Variants in COL27A1 observed in about 807,000 individuals in gnomAD.
COL27A1 encodes the protein collagen alpha-1(XXVII) chain.
COL27A1 carries 106 observed loss-of-function variants against 251.3 expected under a neutral mutation model. That is an observed-to-expected ratio of 0.42 (90% confidence interval 0.36 to 0.50). The LOEUF (loss-of-function observed/expected upper bound fraction) is 0.50. COL27A1 is among the 20% of genes least tolerant of loss of function. The pLI is 0.00. For synonymous variants in COL27A1, 1,000 were observed against 986.3 expected, an observed-to-expected ratio of 1.01 and a Z score of -0.26; for missense variants, 2,325 against 2,522.8, an observed-to-expected ratio of 0.92 and a Z score of 1.68.
Position 114,167,770 on chromosome 9 carries a change from C to A in COL27A1, c.215C>A (p.Ser72Ter). ...PAPPGVIPFQ[S>*]GFIFTQRARL... ...CCCCCGGGAGTCATTCCTTTCCAGT[C>A]GGGCTTCATCTTTACGCAGCGGGCC... Residue 72 changes from serine (S) to a stop codon, truncating the protein, a stop_gained, in exon 3 of 61, where the codon TCG (serine) becomes TAG (stop). Transcript: ENST00000356083. LOFTEE classifies it high-confidence loss of function. 1 of 1,613,788 alleles carries A rather than the reference C, an allele frequency of 6.2e-7. No homozygotes were observed. Among genetic ancestry groups the A allele is most frequent in the Non-Finnish European group, 8.5e-7 (1 of 1,180,018 alleles).
At chr9:114,183,276 G>C (rs528603563) in intron 5 of COL27A1, among the ~76,000 whole-genome samples, 1 of 152,240 alleles carries the variant, frequency 6.6e-6, no homozygotes, top group Non-Finnish European at 1.5e-5. Flanking sequence ...GTCTGGGAGA[G>C]ACTTGGGAGA....
rs1295129894 is a variant in COL27A1, at chr9:114,282,525, T to C, written c.3840T>C (p.Thr1280=). The C allele has an allele frequency of 6.4e-7, 1 of 1,562,036 alleles. No homozygotes were observed. The highest frequency in any genetic ancestry group is 1.2e-5 in the South Asian group (1 of 84,108). ...CTGGAGACCCTGGACCCCCTGGCAC[T>C]CCAGGCCCTAAAGGGTCCCGGGGCA... The part of the protein sequence containing the change: ...GVPGDPGPPG[T]PGPKGSRGSL... Residue 1280 remains threonine, a synonymous_variant, in exon 39 of 61, where the codon ACT becomes ACC. Coordinates refer to ENST00000356083, the MANE Select transcript of COL27A1 (RefSeq NM_032888.4).
At chr9:114,221,405 T>C (rs1444947119) in intron 13 of COL27A1, among the ~76,000 whole-genome samples, 1 of 152,198 alleles carries the variant, frequency 6.6e-6, no homozygotes, top group Non-Finnish European at 1.5e-5. Context: ...GCGGCAGGGA[T>C]GTCTTTATGC....
chr9:114,288,959 G>A lies in COL27A1; in HGVS notation c.4144G>A (p.Gly1382Ser), dbSNP rs371615497. Reference sequence around the variant, plus strand: ...CCTCCGTGGAAAGCCAGGCCAGCAGGGCCAACCCGTGAGTGGTGCTTCGTG... The same window carrying A: ...CCTCCGTGGAAAGCCAGGCCAGCAGAGCCAACCCGTGAGTGGTGCTTCGTG... ...QGLRGKPGQQGQPGHPGPRGW... is the reference protein window; with the variant it reads ...QGLRGKPGQQSQPGHPGPRGW... The change falls in exon 44 of 61, where the codon GGC becomes AGC. Residue 1382 changes from glycine (G) to serine (S), a missense_variant. Physicochemically the swap from Gly to Ser is moderately conservative, Grantham distance 56. Coordinates refer to ENST00000356083, the MANE Select transcript of COL27A1 (RefSeq NM_032888.4). 77 of 1,613,580 alleles carry A rather than the reference G, an allele frequency of 4.8e-5. No homozygotes were observed. The highest frequency in any genetic ancestry group is 3.3e-4 in the Middle Eastern group (2 of 6,084).
chr9:114,297,990 G>A (rs1325263092), intron 49 of COL27A1, among the ~76,000 whole-genome samples: 1 of 151,922 alleles, frequency 6.6e-6, no homozygotes, highest in Admixed American at 6.6e-5. Flanking sequence ...GAATAAAATA[G>A]GAAGAAATCT....
chr9:114,252,484 C>A (rs1480654151), intron 25 of COL27A1, 109 bp from the exon 26 acceptor site: 2 of 908,326 alleles, frequency 2.2e-6, no homozygotes, highest in African/African-American at 1.6e-5. Flanking sequence ...AGACCTTGAG[C>A]AAACCCCTAC....
intron 5 of COL27A1, among the ~76,000 whole-genome samples, chr9:114,184,442 A>G (rs1329386292): frequency 1.3e-5 from 2 of 152,214 alleles, no homozygotes; most frequent in East Asian, 3.9e-4. Flanking sequence ...CTGTGGTGTC[A>G]GAGTCTTGGG....
In COL27A1 at chr9:114,312,066, A is replaced by C. The variant is rs1466150638; in HGVS notation, c.*1371A>C. The C allele has an allele frequency of 6.6e-6, 1 of 152,242 alleles. No homozygotes were observed. Among genetic ancestry groups the C allele is most frequent in the Non-Finnish European group, 1.5e-5 (1 of 68,042 alleles). The allele number at this position is 152,242 out of a possible 1,614,324, so 9.4% of individuals were successfully genotyped here. On this transcript the variant is annotated 3_prime_UTR_variant, in exon 61 of 61. Coordinates refer to ENST00000356083, the MANE Select transcript of COL27A1 (RefSeq NM_032888.4). ...TTCAGCGTCCTCTGAATTGTGCTAC[A>C]TCAGCGAACAAGTCGGCGCTTGAAT...
chr9:114,168,871 G>T lies in COL27A1; in HGVS notation c.1316G>T (p.Ser439Ile), dbSNP rs1849096237. The T allele has an allele frequency of 1.2e-6, 2 of 1,613,910 alleles. No individual in the cohort carries two copies. Among genetic ancestry groups the T allele is most frequent in the Middle Eastern group, 1.6e-4 (1 of 6,062 alleles). ...NPGMPRPPPP[S>I]TRPLPPTTSS... The stretch of plus-strand genomic sequence containing the variant: ...GGAATGCCCAGGCCCCCACCGCCCA[G>T]CACCCGGCCCCTACCTCCTACCACC... Residue 439 changes from serine to isoleucine, a missense_variant, in exon 3 of 61, where the codon AGC (serine) becomes ATC (isoleucine). This residue lies in a region of COL27A1 where 1,183 missense variants were observed against 1,144.1 expected (regional missense o/e 1.03). Transcript: ENST00000356083.
At chr9:114,241,820 C>A (rs561851887) in intron 21 of COL27A1, among the ~76,000 whole-genome samples, 1 of 152,352 alleles carries the variant, frequency 6.6e-6, no homozygotes, top group African/African-American at 2.4e-5. Flanking sequence ...ATCTGGGAAA[C>A]TGAGACACAG....
At chr9:114,237,562 C>T in intron 18 of COL27A1, 100 bp from the exon 19 acceptor site, 1 of 1,004,312 alleles carries the variant, frequency 1.0e-6, no homozygotes, top group Non-Finnish European at 1.6e-6. Context: ...GCACATGCTT[C>T]TGAACTTTCC....
At chr9:114,246,094 T>C in intron 24 of COL27A1, 184 bp downstream of exon 24, 1 of 545,950 alleles carries the variant, frequency 1.8e-6, no homozygotes. Context: ...GGGAAGTCTG[T>C]AAATGAGAAA....
intron 40 of COL27A1, among the ~76,000 whole-genome samples, chr9:114,284,147 G>A (rs201073704): frequency 6.6e-6 from 1 of 152,194 alleles, no homozygotes; most frequent in East Asian, 1.9e-4. Context: ...AGGGCTCAGA[G>A]AGATATGGTG....
At position 114,269,664 on chromosome 9, in the gene COL27A1, G is replaced by A. The variant is rs79901916; in HGVS notation, c.3555+370G>A. On this transcript the variant is annotated intron_variant, in intron 35 of 60. Transcript: ENST00000356083. The stretch of plus-strand genomic sequence containing the variant: ...AGAAGAAGGATGTTGAGGTTCAGTC[G>A]AGTCTCGGCAGTAAAGAGAATGATG... Among the ~76,000 whole-genome samples the A allele has an allele frequency of 4.7e-5, 7 of 148,434 alleles. No individual in the cohort carries two copies. The East Asian group carries it at 7.8e-4, about 17-fold the overall frequency.
intron 16 of COL27A1, 122 bp from the exon 17 acceptor site, chr9:114,235,477 C>A (rs981076001): frequency 2.3e-4 from 186 of 799,002 alleles, no homozygotes; most frequent in Non-Finnish European, 1.4e-4. Context: ...AAGGCTGCTG[C>A]TGGCCGGATC....
At chr9:114,224,683 C>T (rs867134437) in intron 14 of COL27A1, among the ~76,000 whole-genome samples, 15 of 121,826 alleles carry the variant, frequency 1.2e-4, no homozygotes, top group African/African-American at 2.8e-4. Flanking sequence ...GACAGGGTCT[C>T]ACTGTGTCTT....
intron 48 of COL27A1, among the ~76,000 whole-genome samples, chr9:114,291,728 G>A (rs1025516304): frequency 7.9e-5 from 12 of 152,140 alleles, no homozygotes; most frequent in African/African-American, 2.4e-4. Context: ...CAGCCTGGGC[G>A]GCAGAGCGAG....
intron 27 of COL27A1, among the ~76,000 whole-genome samples, chr9:114,256,743 C>A (rs1833947832): frequency 6.6e-6 from 1 of 152,182 alleles, no homozygotes. Context: ...AACTGAGGCC[C>A]AGTGAGTTGA....
At chr9:114,285,250 G>A (rs960393245) in intron 41 of COL27A1, among the ~76,000 whole-genome samples, 2 of 152,126 alleles carry the variant, frequency 1.3e-5, no homozygotes, top group African/African-American at 2.4e-5. Context: ...AAGGCAGAGG[G>A]GAAGGCATGT....
Sources: allele counts gnomAD v4.1 joint callset (sites outside exome capture counted in the v4.1 genomes callset), GRCh38; gene constraint gnomAD v4.1.1; regional missense constraint gnomAD v4.1.1; transcripts MANE v1.5; gene names NCBI Gene and HGNC (gene_info 2026-07-23, HGNC 2026-07-21).